VIPR2: variants seen among roughly 807,000 people sequenced by gnomAD.
VIPR2 encodes the protein vasoactive intestinal peptide receptor 2.
Under a neutral mutation model 58.0 loss-of-function variants are expected in VIPR2, and 48 were observed. The ratio of observed to expected loss-of-function variants is 0.83; its 90% CI spans 0.66 to 1.05. The LOEUF (loss-of-function observed/expected upper bound fraction) is 1.05. VIPR2 is among the 50% of genes least tolerant of loss of function. The probability of loss-of-function intolerance (pLI) is 0.00; values close to 1 mark genes in which losing one functional copy is unlikely to be tolerated. For missense variants in VIPR2, 534 were observed against 558.0 expected (o/e 0.96, Z 0.43); for synonymous variants, 243 against 235.2 (o/e 1.03, Z -0.30).
intron 1 of VIPR2, among the ~76,000 whole-genome samples, chr7:159,143,374 C>A (rs1797552594): frequency 6.6e-6 from 1 of 151,852 alleles, no homozygotes; most frequent in Non-Finnish European, 1.5e-5. Flanking sequence ...CTTCCCCCTC[C>A]CCCACCACCG....
intron 4 of VIPR2, among the ~76,000 whole-genome samples, chr7:159,064,321 G>A (rs951956895): frequency 3.3e-5 from 5 of 152,016 alleles, no homozygotes; most frequent in African/African-American, 1.2e-4. Flanking sequence ...GGGCTCGAGC[G>A]GGTCCACAGA....
At chr7:159,032,401 G>A (rs1251840504) in intron 10 of VIPR2, among the ~76,000 whole-genome samples, 2 of 152,182 alleles carry the variant, frequency 1.3e-5, no homozygotes, top group Admixed American at 6.5e-5. Context: ...CACAGGCCCC[G>A]CCTGGGAGCC....
At chr7:159,110,204 A>G (rs1396298346) in intron 2 of VIPR2, among the ~76,000 whole-genome samples, 1 of 152,230 alleles carries the variant, frequency 6.6e-6, no homozygotes, top group Non-Finnish European at 1.5e-5. Context: ...TCCTAGTGTG[A>G]TGAAATGGGC....
At chr7:159,069,898 G>C (rs1856291116) in intron 4 of VIPR2, among the ~76,000 whole-genome samples, 1 of 152,130 alleles carries the variant, frequency 6.6e-6, no homozygotes, top group Admixed American at 6.5e-5. Context: ...TAATTTTACT[G>C]TCTGTCGTTG....
intron 1 of VIPR2, chr7:159,144,398 C>G: frequency 6.5e-7 from 1 of 1,546,126 alleles, no homozygotes; most frequent in East Asian, 2.5e-5. Context: ...GCTCCCAGCT[C>G]CCGGGACGGC....
chr7:159,090,669 G>C (rs1429782270), intron 4 of VIPR2, among the ~76,000 whole-genome samples: 700 of 101,818 alleles, frequency 6.9e-3, no homozygotes, highest in African/African-American at 0.026. Context: ...GCCCTCAGCA[G>C]AGACACACTG....
intron 4 of VIPR2, among the ~76,000 whole-genome samples, chr7:159,089,464 G>A (rs931199784): frequency 3.3e-5 from 5 of 151,768 alleles, no homozygotes; most frequent in Admixed American, 1.3e-4. Flanking sequence ...CTCAGGCCTC[G>A]GCTCCTCATC....
chr7:159,031,364 A>G lies in VIPR2; in HGVS notation c.1143+464T>C. 1.1e-6 allele frequency: 1 copy of G among 920,106 alleles called. No individual in the cohort carries two copies. Among genetic ancestry groups the G allele is most frequent in the Non-Finnish European group, 1.3e-6 (1 of 770,364 alleles). 57.0% of individuals were successfully genotyped at this position (920,106 alleles called of 1,614,324 possible). On this transcript the variant is annotated intron_variant, in intron 12 of 12. Transcript: ENST00000262178. This position sits in a 1 kb window ranked among gnomAD's most constrained non-coding sequence, Gnocchi z 4.0. ...GGGGACGGGGCCAGGCCGTTGGAGC[A>G]GCCCGGAGACAGCCTCCCTGGCTGG...
chr7:159,057,597 C>T (rs1304829950), intron 5 of VIPR2, among the ~76,000 whole-genome samples: 1 of 152,140 alleles, frequency 6.6e-6, no homozygotes, highest in Non-Finnish European at 1.5e-5. Flanking sequence ...TACTGGCAAA[C>T]ATTTCGATTA....
chr7:159,065,985 AAG>A (rs1041116884), intron 4 of VIPR2, among the ~76,000 whole-genome samples: 1 of 152,240 alleles, frequency 6.6e-6, no homozygotes, highest in Non-Finnish European at 1.5e-5. Flanking sequence ...TAGAGATTAA[AAG>A]AGGGCTGCTG....
rs1332759504 is a variant in VIPR2, at chr7:159,099,294, G to A, written c.357+4463C>T. Among the ~76,000 whole-genome samples the A allele has an allele frequency of 6.6e-6, 1 of 152,216 alleles. No homozygotes were observed. The highest frequency in any genetic ancestry group is 1.9e-4 in the East Asian group (1 of 5,194). On this transcript the variant is annotated intron_variant, in intron 4 of 12. Coordinates refer to ENST00000262178, the MANE Select transcript of VIPR2 (RefSeq NM_003382.5). The surrounding 1 kb of genome is among the most constrained non-coding windows in gnomAD (Gnocchi z 4.2). ...ATAGTTCTTCAGACTAAACAGCAAA[G>A]CATCAGGGGATCACAGAGCCACTAT...
At chr7:159,062,244 G>A (rs56375711) in intron 4 of VIPR2, among the ~76,000 whole-genome samples, 18,825 of 152,212 alleles carry the variant, frequency 0.12, 1,395 homozygotes, top group Non-Finnish European at 0.16. Flanking sequence ...ACAGCAGCCC[G>A]CAGGTGAGAG....
rs1486661934 is a variant in VIPR2 at position 159,028,632 on chromosome 7, G to A, written c.*1984C>T. ...TGGGGGATGCTCCCTTTTGTCCTTT[G>A]AAAGCTGGGCAAGGCTGGGGGTGGG... On this transcript the variant is annotated 3_prime_UTR_variant, in exon 13 of 13. Coordinates refer to ENST00000262178, the MANE Select transcript of VIPR2 (RefSeq NM_003382.5). 6.6e-6 allele frequency: 1 copy of A among 152,410 alleles called. No individual in the cohort carries two copies. The highest frequency in any genetic ancestry group is 1.5e-5 in the Non-Finnish European group (1 of 68,184). 9.4% of individuals were successfully genotyped at this position (152,410 alleles called of 1,614,324 possible).
At position 159,034,207 on chromosome 7, in the gene VIPR2, A is replaced by T; in HGVS notation, c.971+6T>A. 2 of 1,613,684 alleles carry T rather than the reference A, an allele frequency of 1.2e-6. No individual in the cohort carries two copies. Among genetic ancestry groups the T allele is most frequent in the Non-Finnish European group, 1.7e-6 (2 of 1,179,816 alleles). ...CAGGGACGGCCAGGCCGGGACACAC[A>T]CTCACTTGTACTGAGACTGGTCGTT... is the stretch of plus-strand genomic sequence containing the variant. On this transcript the variant is annotated splice_donor_region_variant and intron_variant, in intron 10 of 12. Coordinates refer to ENST00000262178, the MANE Select transcript of VIPR2 (RefSeq NM_003382.5).
At position 159,031,973 on chromosome 7, in the gene VIPR2, G is replaced by A; in HGVS notation, c.1066C>T (p.Gln356Ter). 1 of 1,614,170 alleles carries A rather than the reference G, an allele frequency of 6.2e-7. No individual in the cohort carries two copies. Among genetic ancestry groups the A allele is most frequent in the Non-Finnish European group, 8.5e-7 (1 of 1,180,042 alleles). Residue 356 changes from glutamine (Q) to a stop codon, truncating the protein, a stop_gained, in exon 11 of 13, where the codon CAG (glutamine) becomes TAG (stop). Coordinates refer to ENST00000262178, the MANE Select transcript of VIPR2 (RefSeq NM_003382.5). LOFTEE classifies it high-confidence loss of function. This position sits in a 1 kb window ranked among gnomAD's most constrained non-coding sequence, Gnocchi z 4.0. The part of the protein sequence containing the change: ...VFPISISSKY[Q>*]ILFELCLGSF... ...CCGAGGCACAGCTCAAACAGTATCT[G>A]GTATTTGGAGGAGATGCTGATGGGA...
At chr7:159,052,729 G>A (rs1259480547) in intron 5 of VIPR2, among the ~76,000 whole-genome samples, 1 of 152,028 alleles carries the variant, frequency 6.6e-6, no homozygotes, top group South Asian at 2.1e-4. Flanking sequence ...ATGAAAGGTG[G>A]ATTTAACATT....
chr7:159,141,328 A>C (rs1179140955), intron 2 of VIPR2, among the ~76,000 whole-genome samples: 1 of 152,284 alleles, frequency 6.6e-6, no homozygotes, highest in African/African-American at 2.4e-5. Context: ...GGAATCGCAG[A>C]TCTTTACAGC....
chr7:159,140,363 A>G (rs1797413505), intron 2 of VIPR2, among the ~76,000 whole-genome samples: 1 of 152,196 alleles, frequency 6.6e-6, no homozygotes, highest in Admixed American at 6.5e-5. Context: ...TCCGGTTCAC[A>G]TCGCTGATAG....
chr7:159,120,143 C>T (rs1001826196), intron 2 of VIPR2, among the ~76,000 whole-genome samples: 1 of 152,192 alleles, frequency 6.6e-6, no homozygotes, highest in Non-Finnish European at 1.5e-5. Flanking sequence ...CCCACACAGC[C>T]GTGCCTGTGT....
Sources: allele counts gnomAD v4.1 joint callset (sites outside exome capture counted in the v4.1 genomes callset), GRCh38; gene constraint gnomAD v4.1.1; non-coding constraint Gnocchi (gnomAD v3.1); transcripts MANE v1.5; gene names NCBI Gene and HGNC (gene_info 2026-07-23, HGNC 2026-07-21).